Variants in NAV2 observed in about 807,000 individuals in gnomAD.
NAV2 encodes the protein helicase, APC down-regulated 1.
Under a neutral mutation model 223.2 loss-of-function variants are expected in NAV2, and 54 were observed. The observed-to-expected ratio is 0.24, with a 90% confidence interval of 0.19 to 0.30. The LOEUF is 0.30. NAV2 is among the 10% of genes least tolerant of loss of function. NAV2 has a pLI of 1.00. For missense variants in NAV2, 2,806 were observed against 3,147.5 expected (o/e 0.89, Z 2.60); for synonymous variants, 1,279 against 1,239.3 (o/e 1.03, Z -0.67).
At chr11:19,703,532 G>T (rs1227452002) in intron 1 of NAV2, among the ~76,000 whole-genome samples, 2 of 152,228 alleles carry the variant, frequency 1.3e-5, no homozygotes, top group Non-Finnish European at 2.9e-5. Context: ...GCTGCCTGAT[G>T]CTACCCGCAC....
At chr11:19,795,825 T>C (rs1038906807) in intron 1 of NAV2, among the ~76,000 whole-genome samples, 18 of 152,228 alleles carry the variant, frequency 1.2e-4, no homozygotes, top group African/African-American at 4.1e-4. Flanking sequence ...TTGTGGCTAT[T>C]TCTTTGCCCA....
At chr11:19,703,646 A>C (rs2049576337) in intron 1 of NAV2, among the ~76,000 whole-genome samples, 1 of 152,260 alleles carries the variant, frequency 6.6e-6, no homozygotes, top group African/African-American at 2.4e-5. Context: ...TCTCACTCAG[A>C]AAGTAATAGA....
At chr11:19,716,067 A>G (rs751255018) in intron 1 of NAV2, among the ~76,000 whole-genome samples, 2 of 130,872 alleles carry the variant, frequency 1.5e-5, no homozygotes, top group Non-Finnish European at 3.4e-5. Flanking sequence ...CCCCTCCAAA[A>G]CAGTCTCTTG....
At chr11:20,036,189 C>T (rs1183810581) in intron 12 of NAV2, 92 bp downstream of exon 12, 5 of 1,446,484 alleles carry the variant, frequency 3.5e-6, no homozygotes, top group Non-Finnish European at 4.8e-6. Context: ...TTGGGGCAAC[C>T]AGAATCTCCA....
chr11:20,021,196 A>C (rs1226631525), intron 11 of NAV2, among the ~76,000 whole-genome samples: 1 of 152,176 alleles, frequency 6.6e-6, no homozygotes, highest in Non-Finnish European at 1.5e-5. Context: ...CATTTATTTT[A>C]TAGTTCTACC....
intron 3 of NAV2, among the ~76,000 whole-genome samples, chr11:19,858,795 G>A (rs1016681219): frequency 5.9e-5 from 9 of 152,120 alleles, no homozygotes; most frequent in African/African-American, 1.7e-4. Context: ...TTACATATTC[G>A]GAGAAAGGCT....
chr11:19,736,754 G>A (rs2052340309), intron 1 of NAV2, among the ~76,000 whole-genome samples: 1 of 152,152 alleles, frequency 6.6e-6, no homozygotes, highest in Non-Finnish European at 1.5e-5. Flanking sequence ...CCCCAACTCT[G>A]CTGTTCTACA....
At chr11:19,783,905 T>A (rs528877270) in intron 1 of NAV2, among the ~76,000 whole-genome samples, 1 of 151,028 alleles carries the variant, frequency 6.6e-6, no homozygotes, top group South Asian at 2.1e-4. Flanking sequence ...TTATGAAACA[T>A]CTTCTAGGAA....
At chr11:19,646,923 G>A (rs2047831509) in intron 1 of NAV2, among the ~76,000 whole-genome samples, 1 of 152,140 alleles carries the variant, frequency 6.6e-6, no homozygotes, top group East Asian at 1.9e-4. Context: ...GGCACTACAG[G>A]AGGACAGCCC....
chr11:19,924,477 G>C (rs755131221), intron 6 of NAV2, among the ~76,000 whole-genome samples: 1 of 152,168 alleles, frequency 6.6e-6, no homozygotes, highest in South Asian at 2.1e-4. Flanking sequence ...GGCCTCTTCT[G>C]CTTCCTCTGG....
At chr11:19,821,211 G>A (rs1400567699) in intron 1 of NAV2, among the ~76,000 whole-genome samples, 2 of 148,250 alleles carry the variant, frequency 1.3e-5, no homozygotes, top group East Asian at 2.0e-4. Context: ...GCAGTGAGCC[G>A]AGATTGCGCC....
intron 1 of NAV2, among the ~76,000 whole-genome samples, chr11:19,765,710 T>C (rs537632116): frequency 1.3e-5 from 2 of 152,188 alleles, no homozygotes; most frequent in Non-Finnish European, 2.9e-5. Flanking sequence ...GGCACACTGG[T>C]CACATTCTGC....
chr11:19,637,523 T>A (rs2047539549), intron 1 of NAV2, among the ~76,000 whole-genome samples: 1 of 152,216 alleles, frequency 6.6e-6, no homozygotes, highest in Admixed American at 6.5e-5. Context: ...GCTGGCTAAT[T>A]TATAAAGAAA....
chr11:19,593,181 A>G (rs2046110482), intron 1 of NAV2, among the ~76,000 whole-genome samples: 1 of 150,136 alleles, frequency 6.7e-6, no homozygotes, highest in Non-Finnish European at 1.5e-5. Context: ...GCAACCAACC[A>G]TTAGTATGTT....
intron 8 of NAV2, among the ~76,000 whole-genome samples, chr11:19,940,045 GT>G (rs1218706222): frequency 6.6e-6 from 1 of 151,448 alleles, no homozygotes; most frequent in Non-Finnish European, 1.5e-5. Context: ...GATACGTTCA[GT>G]TTTATTCATT....
chr11:19,537,780 C>T (rs57371845), intron 1 of NAV2, among the ~76,000 whole-genome samples: 11,287 of 152,166 alleles, frequency 0.074, 1,428 homozygotes, highest in African/African-American at 0.26. Context: ...GATTCCAGTC[C>T]CTGCTCTGCT....
intron 4 of NAV2, among the ~76,000 whole-genome samples, chr11:19,877,470 C>CTTTTTTTTTTTTTTCTTTTTTCTTTTTT (rs1555114909): frequency 1.1e-4 from 9 of 82,584 alleles, no homozygotes; most frequent in East Asian, 6.6e-4. Context: ...TATCTTCATT[C>CTTTTTTTTTTTTTTCTTTTTTCTTTTTT]TTTTTTTTTT....
At chr11:19,978,860 C>T (rs762140582) in intron 10 of NAV2, 3 of 152,118 alleles carry the variant, frequency 2.0e-5, no homozygotes, top group Non-Finnish European at 2.9e-5. Flanking sequence ...AGCCACCTTT[C>T]GCCGCTTCTG....
chr11:19,772,653 A>G (rs1470240549), intron 1 of NAV2, among the ~76,000 whole-genome samples: 1 of 152,156 alleles, frequency 6.6e-6, no homozygotes, highest in Non-Finnish European at 1.5e-5. Context: ...ATGGGGTGCC[A>G]CAGTGCTTCT....
Sources: allele counts gnomAD v4.1 joint callset (sites outside exome capture counted in the v4.1 genomes callset), GRCh38; gene constraint gnomAD v4.1.1; transcripts MANE v1.5; gene names NCBI Gene and HGNC (gene_info 2026-07-23, HGNC 2026-07-21).